The following HIGD1C variants were observed in gnomAD, a reference collection of about 807,000 sequenced individuals.
HIGD1C encodes the protein HIG1 hypoxia inducible domain family member 1C, also known as HIG1 domain family member 1C.
A neutral mutation model predicts 13.1 loss-of-function variants in HIGD1C; 11 were observed. The ratio of observed to expected loss-of-function variants is 0.84; its 90% CI spans 0.53 to 1.39. HIGD1C has a LOEUF of 1.39. HIGD1C is among the 40% of genes most tolerant of loss of function. The pLI is 0.00. For missense variants in HIGD1C, 110 were observed against 112.0 expected (o/e 0.98, Z 0.08); for synonymous variants, 36 against 37.7 (o/e 0.95, Z 0.17).
At chr12:50,963,135 C>T (rs547476645) in intron 2 of HIGD1C, among the ~76,000 whole-genome samples, 12 of 151,650 alleles carry the variant, frequency 7.9e-5, no homozygotes, top group African/African-American at 7.3e-5. Flanking sequence ...TTTGGGAGGC[C>T]GAGGCAGGGG....
chr12:50,942,913 C>T, the HIGD1C span, among the ~76,000 whole-genome samples: 7 of 147,058 alleles, frequency 4.8e-5, no homozygotes, highest in South Asian at 6.6e-4. Flanking sequence ...TTGCCCAGGG[C>T]GGAGTGCAAT....
chr12:50,932,100 G>T, the HIGD1C span: 3 of 152,092 alleles, frequency 2.0e-5, no homozygotes, highest in East Asian at 1.9e-4. Flanking sequence ...GGTGGTTAAG[G>T]TTCTTGGGTT....
downstream of HIGD1C, among the ~76,000 whole-genome samples, chr12:50,970,866 C>T (rs1406023052): frequency 6.8e-6 from 1 of 147,886 alleles, no homozygotes; most frequent in African/African-American, 2.5e-5. Context: ...GAAGACTTCT[C>T]TTTTCTTTAT....
At chr12:50,964,491 G>C (rs1325221684) in intron 2 of HIGD1C, among the ~76,000 whole-genome samples, 2 of 152,138 alleles carry the variant, frequency 1.3e-5, no homozygotes, top group Admixed American at 6.5e-5. Context: ...ATTTCCCCTT[G>C]ATGTTCAGAA....
At chr12:50,945,166 A>T in the HIGD1C span, among the ~76,000 whole-genome samples, 2 of 152,150 alleles carry the variant, frequency 1.3e-5, no homozygotes, top group East Asian at 3.9e-4. Context: ...CCCTTTGAAA[A>T]CTGGCACAAG....
chr12:50,953,936 A>G, exon 1 of HIGD1C: 1 of 1,017,696 alleles, frequency 9.8e-7, no homozygotes, highest in South Asian at 1.4e-5. Context: ...GGAGAGGAAA[A>G]ACAAATTATT....
chr12:50,934,579 A>G, the HIGD1C span, among the ~76,000 whole-genome samples: 1 of 152,246 alleles, frequency 6.6e-6, no homozygotes, highest in Admixed American at 6.5e-5. Flanking sequence ...TGTTTTCTAT[A>G]GATGAGGAAG....
At chr12:50,963,965 A>T (rs1321205910) in intron 2 of HIGD1C, among the ~76,000 whole-genome samples, 1 of 152,206 alleles carries the variant, frequency 6.6e-6, no homozygotes, top group Non-Finnish European at 1.5e-5. Context: ...ATCCAAAAGC[A>T]TGCTAGTTAT....
intron 2 of HIGD1C, among the ~76,000 whole-genome samples, chr12:50,963,791 T>C (rs1048456781): frequency 6.6e-6 from 1 of 152,190 alleles, no homozygotes; most frequent in Admixed American, 6.5e-5. Flanking sequence ...ACCCTGGTAA[T>C]AAAAGGAAAG....
At chr12:50,946,125 C>T in the HIGD1C span, among the ~76,000 whole-genome samples, 1 of 152,148 alleles carries the variant, frequency 6.6e-6, no homozygotes, top group Non-Finnish European at 1.5e-5. Context: ...ACCATAAAAA[C>T]CCTAGAAGAA....
upstream of HIGD1C, among the ~76,000 whole-genome samples, chr12:50,952,812 T>C (rs780874487): frequency 1.7e-4 from 26 of 152,118 alleles, no homozygotes; most frequent in Non-Finnish European, 3.5e-4. Flanking sequence ...ATGGCAAGAA[T>C]CCTGGCCTCT....
the HIGD1C span, among the ~76,000 whole-genome samples, chr12:50,936,159 C>CAAAAA: frequency 7.7e-6 from 1 of 129,278 alleles, no homozygotes; most frequent in African/African-American, 2.8e-5. Flanking sequence ...AACACCGTCT[C>CAAAAA]AAAAAAAAAA....
the HIGD1C span, among the ~76,000 whole-genome samples, chr12:50,943,407 C>A: frequency 6.6e-6 from 1 of 152,082 alleles, no homozygotes; most frequent in Admixed American, 6.6e-5. Context: ...TCCAAAAATG[C>A]CTTTCTTAAT....
chr12:50,952,139 AAC>A (rs1301596790), upstream of HIGD1C, among the ~76,000 whole-genome samples: 1 of 151,526 alleles, frequency 6.6e-6, no homozygotes, highest in Non-Finnish European at 1.5e-5. Flanking sequence ...TAGATTGAAA[AAC>A]AGAATTATAT....
At chr12:50,954,152 G>A (rs1939001529) in intron 1 of HIGD1C, 60 bp downstream of exon 3, 2 of 978,416 alleles carry the variant, frequency 2.0e-6, no homozygotes, top group African/African-American at 1.6e-5. Context: ...GCCTTACCCA[G>A]TGCCTTTGCG....
rs549365939 is a variant in HIGD1C at position 50,958,026 on chromosome 12, G to A, written c.95-2942G>A. On this transcript the variant is annotated intron_variant, in intron 1 of 2. Transcript: ENST00000398455. ...TTACCATTTTGGCCAGGCTGGTCCC[G>A]AACTTCTGACCTCAAGTGATATGCC... Among the ~76,000 whole-genome samples, 17 of 148,736 alleles carry A rather than the reference G, an allele frequency of 1.1e-4. No individual in the cohort carries two copies. In the East Asian group the frequency reaches 1.2e-3, roughly 11 times the overall value.
the HIGD1C span, among the ~76,000 whole-genome samples, chr12:50,948,314 T>G: frequency 6.6e-6 from 1 of 152,170 alleles, no homozygotes; most frequent in Non-Finnish European, 1.5e-5. Context: ...TCAATTTCAC[T>G]CATAATACAA....
At chr12:50,963,013 G>A in intron 2 of HIGD1C, among the ~76,000 whole-genome samples, 1 of 125,548 alleles carries the variant, frequency 8.0e-6, no homozygotes, top group East Asian at 2.7e-4. Context: ...ATATAATTAT[G>A]AGGCTCTTGC....
At chr12:50,957,216 C>CTT (rs35884257) in intron 1 of HIGD1C, among the ~76,000 whole-genome samples, 7 of 145,932 alleles carry the variant, frequency 4.8e-5, no homozygotes, top group Admixed American at 6.9e-5. Context: ...GCTTTTTTTT[C>CTT]TTTTTTTTTT....
Sources: gnomAD v4.1 joint callset for allele counts (sites outside exome capture counted in the v4.1 genomes callset) on GRCh38, gnomAD v4.1.1 for gene constraint, MANE v1.5 for transcripts, NCBI Gene and HGNC (gene_info 2026-07-23, HGNC 2026-07-21) for gene names.